The following KIF1B variants were observed in gnomAD, a reference collection of about 807,000 sequenced individuals.
KIF1B encodes the protein kinesin-like protein KIF1B.
Under a neutral mutation model 241.9 loss-of-function variants are expected in KIF1B, and 76 were observed. The ratio of observed to expected loss-of-function variants is 0.31; its 90% CI spans 0.26 to 0.38. The LOEUF is 0.38. KIF1B is among the 10% of genes least tolerant of loss of function. KIF1B has a pLI of 1.00. For synonymous variants in KIF1B, 750 were observed against 796.7 expected, an observed-to-expected ratio of 0.94 and a Z score of 0.99; for missense variants, 1,622 against 2,271.4, an observed-to-expected ratio of 0.71 and a Z score of 5.81.
At chr1:10,353,256 G>A (rs1286440687) in intron 38 of KIF1B, among the ~76,000 whole-genome samples, 1 of 152,166 alleles carries the variant, frequency 6.6e-6, no homozygotes, top group Non-Finnish European at 1.5e-5. Context: ...ATGCACAAAA[G>A]CGATAAATAA....
Position 10,289,156 on chromosome 1 carries a change from C to T in KIF1B, c.1435-1926C>T, listed in dbSNP as rs1489513128. On this transcript the variant is annotated intron_variant, in intron 15 of 48. Coordinates refer to ENST00000676179, the MANE Select transcript of KIF1B (RefSeq NM_001365951.3). ...TCACCTGTTTTGGCATGTGCTCGTCCCCCTTTTTTGTACTCCTTTTCCTTC... is the reference window on the plus strand; with the variant it reads ...TCACCTGTTTTGGCATGTGCTCGTCTCCCTTTTTTGTACTCCTTTTCCTTC... Among the ~76,000 whole-genome samples, 2 of 152,104 alleles carry T rather than the reference C, an allele frequency of 1.3e-5. 1 individual carries two copies. The highest frequency in any genetic ancestry group is 2.9e-5 in the Non-Finnish European group (2 of 68,026).
chr1:10,263,248 C>T (rs921611989), intron 5 of KIF1B, among the ~76,000 whole-genome samples: 5 of 151,608 alleles, frequency 3.3e-5, no homozygotes, highest in African/African-American at 1.2e-4. Context: ...CATGCCAGTG[C>T]ACCCCAGCCT....
intron 1 of KIF1B, among the ~76,000 whole-genome samples, chr1:10,217,148 A>G (rs944628847): frequency 3.3e-5 from 5 of 149,560 alleles, no homozygotes; most frequent in Non-Finnish European, 7.4e-5. Context: ...TAATTTTTGT[A>G]TTTTTAGTAG....
chr1:10,349,588 C>T (rs943506577), intron 37 of KIF1B, among the ~76,000 whole-genome samples: 2 of 150,244 alleles, frequency 1.3e-5, no homozygotes, highest in African/African-American at 2.4e-5. Context: ...GAAAACAAGC[C>T]AGGAGGACTG....
chr1:10,335,232 C>T (rs1457001251), intron 28 of KIF1B, among the ~76,000 whole-genome samples: 1 of 152,048 alleles, frequency 6.6e-6, no homozygotes, highest in East Asian at 1.9e-4. Context: ...GGGTGTGGGC[C>T]ATTGCACCCG....
In KIF1B at chr1:10,343,272, C is replaced by T. The variant is rs761771321; in HGVS notation, c.3673C>T (p.Pro1225Ser). Residue 1225 changes from proline to serine, a missense_variant, in exon 34 of 49, where the codon CCA (proline) becomes TCA (serine). Transcript: ENST00000676179. ...PCRRFFPPPM[P>S]LSKPVPATKL... ...CCGCCGATTCTTCCCTCCACCCATG[C>T]CACTGTCCAAGCCAGGTGAGCACTC... 6.2e-7 allele frequency: 1 copy of T among 1,614,168 alleles called. No homozygotes were observed. Among genetic ancestry groups the T allele is most frequent in the South Asian group, 1.1e-5 (1 of 91,086 alleles).
chr1:10,278,824 A>G (rs1012170235), intron 13 of KIF1B: 2 of 402,688 alleles, frequency 5.0e-6, no homozygotes, highest in Non-Finnish European at 9.0e-6. Context: ...ATGGTAGAAT[A>G]TGGGTTAGTT....
intron 22 of KIF1B, among the ~76,000 whole-genome samples, chr1:10,310,619 T>C (rs187151977): frequency 6.6e-6 from 1 of 151,278 alleles, no homozygotes; most frequent in East Asian, 1.9e-4. Context: ...GATAGCTACT[T>C]CTGATAAATA....
At chr1:10,239,040 C>T (rs76612551) in intron 2 of KIF1B, among the ~76,000 whole-genome samples, 3,396 of 152,152 alleles carry the variant, frequency 0.022, 79 homozygotes, top group East Asian at 0.06. Flanking sequence ...CTTCCCCCTC[C>T]CTGGCTGAAG....
At chr1:10,288,988 G>A (rs1357206845) in intron 15 of KIF1B, among the ~76,000 whole-genome samples, 2 of 151,834 alleles carry the variant, frequency 1.3e-5, no homozygotes, top group African/African-American at 4.8e-5. Context: ...CACAGGCTTC[G>A]TTAGTAACCT....
chr1:10,277,260 A>G (rs1649166558), intron 12 of KIF1B, among the ~76,000 whole-genome samples: 1 of 151,904 alleles, frequency 6.6e-6, no homozygotes, highest in Non-Finnish European at 1.5e-5. Context: ...AGCCCAGGCA[A>G]CGTAGTGAGA....
intron 1 of KIF1B, among the ~76,000 whole-genome samples, chr1:10,214,192 C>T (rs886999753): frequency 1.3e-5 from 2 of 152,098 alleles, no homozygotes; most frequent in African/African-American, 2.4e-5. Context: ...TTCATTGATG[C>T]TCTTTTACTA....
chr1:10,229,507 A>G (rs1369601789), intron 1 of KIF1B, among the ~76,000 whole-genome samples: 2 of 152,158 alleles, frequency 1.3e-5, no homozygotes, highest in Non-Finnish European at 2.9e-5. Flanking sequence ...GAGATGGACA[A>G]TAGACATGCT....
intron 4 of KIF1B, among the ~76,000 whole-genome samples, chr1:10,260,884 A>G (rs1364120832): frequency 3.3e-5 from 5 of 151,718 alleles, no homozygotes; most frequent in African/African-American, 1.2e-4. Flanking sequence ...AAAAAAAAGA[A>G]ACCACACACA....
In KIF1B at chr1:10,277,967, A is replaced by AT. The variant is rs765965212; in HGVS notation, c.1038-15dup. The stretch of plus-strand genomic sequence containing the variant: ...AACATATGAGAAATGACAAGAACAA[A>AT]TTTTCTTTTTGGATCTAGATATGCA... On this transcript the variant is annotated intron_variant, in intron 12 of 48. Transcript: ENST00000676179. The AT allele has an allele frequency of 7.4e-5, 119 of 1,611,678 alleles. No individual in the cohort carries two copies. The Middle Eastern group carries it at 1.2e-3, about 16-fold the overall frequency.
Position 10,361,700 on chromosome 1 carries a change from T to C in KIF1B, c.4179T>C (p.His1393=), listed in dbSNP as rs772429569. 3.7e-6 allele frequency: 6 copies of C among 1,613,830 alleles called. No homozygotes were observed. Among genetic ancestry groups the C allele is most frequent in the African/African-American group, 2.7e-5 (2 of 74,952 alleles). ...MTLSAYLELD[H]CIQPAVITKD... is the part of the protein sequence containing the mutation. Reference sequence around the variant, plus strand: ...ACCCTGTCTGCTTTCAGCTGGATCATTGCATCCAGCCGGCTGTCATCACCA... The same window carrying C: ...ACCCTGTCTGCTTTCAGCTGGATCACTGCATCCAGCCGGCTGTCATCACCA... The change falls in exon 40 of 49, where the codon CAT becomes CAC. Residue 1393 remains histidine, a synonymous_variant. Coordinates refer to ENST00000676179, the MANE Select transcript of KIF1B (RefSeq NM_001365951.3).
intron 2 of KIF1B, among the ~76,000 whole-genome samples, chr1:10,253,078 A>G (rs1050626064): frequency 6.6e-6 from 1 of 152,160 alleles, no homozygotes; most frequent in Non-Finnish European, 1.5e-5. Context: ...GGGTGGCCAC[A>G]TACATGTAGG....
chr1:10,304,363 A>C, intron 22 of KIF1B: 1 of 1,614,244 alleles, frequency 6.2e-7, no homozygotes, highest in Non-Finnish European at 8.5e-7. Flanking sequence ...TGGCCAGCCG[A>C]AAAGTACGCG....
chr1:10,269,269 C>T (rs1372214949), intron 7 of KIF1B, among the ~76,000 whole-genome samples: 1 of 152,144 alleles, frequency 6.6e-6, no homozygotes, highest in Non-Finnish European at 1.5e-5. Flanking sequence ...AATCCCAGCA[C>T]TGTGGGAGGC....
Sources: gnomAD v4.1 joint callset for allele counts (sites outside exome capture counted in the v4.1 genomes callset) on GRCh38, gnomAD v4.1.1 for gene constraint, MANE v1.5 for transcripts, NCBI Gene and HGNC (gene_info 2026-07-23, HGNC 2026-07-21) for gene names.